Variants in ROBO2 observed in about 807,000 individuals in gnomAD.
ROBO2 encodes the protein roundabout homolog 2.
A neutral mutation model predicts 160.8 loss-of-function variants in ROBO2; 53 were observed. That is an observed-to-expected ratio of 0.33 (90% CI 0.26 to 0.41). The LOEUF is 0.41. Among genes scored for constraint, ROBO2 ranks in the 10% least tolerant of loss-of-function variants. ROBO2 has a pLI of 1.00. For missense variants in ROBO2, 1,577 were observed against 1,722.4 expected, an observed-to-expected ratio of 0.92 and a Z score of 1.49; for synonymous variants, 664 against 611.7, an observed-to-expected ratio of 1.09 and a Z score of -1.26.
intron 2 of ROBO2, among the ~76,000 whole-genome samples, chr3:76,316,433 G>T (rs190570219): frequency 1.3e-5 from 2 of 152,300 alleles, no homozygotes; most frequent in African/African-American, 4.8e-5. Context: ...TAGGCTGTCT[G>T]CAAGAAGAAA....
chr3:77,459,855 A>G (rs1271311447), intron 2 of ROBO2, among the ~76,000 whole-genome samples: 1 of 149,316 alleles, frequency 6.7e-6, no homozygotes, highest in Non-Finnish European at 1.5e-5. Context: ...GAAGGGGTAG[A>G]TACTACGAGA....
At chr3:75,941,112 TATTTCATTTC>T (rs111270434) in intron 2 of ROBO2, among the ~76,000 whole-genome samples, 6 of 152,250 alleles carry the variant, frequency 3.9e-5, no homozygotes, top group East Asian at 1.9e-4. Context: ...ATTTTATTTT[TATTTCATTTC>T]ATTTCATTTC....
At chr3:76,199,750 A>G (rs1247030810) in intron 2 of ROBO2, among the ~76,000 whole-genome samples, 3 of 152,186 alleles carry the variant, frequency 2.0e-5, no homozygotes, top group East Asian at 1.9e-4. Context: ...AGGACCAACC[A>G]GAGAAAGCCA....
chr3:77,459,351 T>C (rs1560894365), intron 2 of ROBO2, among the ~76,000 whole-genome samples: 1 of 152,194 alleles, frequency 6.6e-6, no homozygotes, highest in Non-Finnish European at 1.5e-5. Context: ...AAGTTGCATA[T>C]GTAATAATTA....
At chr3:76,603,345 AAAAAAAATATATATATATATAT>A (rs2087349521) in intron 2 of ROBO2, among the ~76,000 whole-genome samples, 1 of 62,388 alleles carries the variant, frequency 1.6e-5, no homozygotes, top group Middle Eastern at 8.6e-3. Flanking sequence ...AAAAAAAAAA[AAAAAAAATATATATATATATAT>A]ATATATATAT....
intron 2 of ROBO2, among the ~76,000 whole-genome samples, chr3:76,785,513 G>A (rs921232833): frequency 4.0e-5 from 6 of 151,170 alleles, no homozygotes; most frequent in Admixed American, 2.6e-4. Context: ...TATATGTTTG[G>A]TGATTTTGTT....
intron 2 of ROBO2, among the ~76,000 whole-genome samples, chr3:76,464,833 C>T (rs2078279359): frequency 6.6e-6 from 1 of 152,030 alleles, no homozygotes; most frequent in Non-Finnish European, 1.5e-5. Context: ...ATCCTTTAGG[C>T]CTTTTGAAAT....
chr3:77,140,250 A>T (rs1337397254), intron 2 of ROBO2, among the ~76,000 whole-genome samples: 1 of 152,170 alleles, frequency 6.6e-6, no homozygotes, highest in East Asian at 1.9e-4. Context: ...TTAGATTAAG[A>T]TGAAATGTTT....
At chr3:76,404,787 T>C (rs1169605086) in intron 2 of ROBO2, among the ~76,000 whole-genome samples, 4 of 151,632 alleles carry the variant, frequency 2.6e-5, no homozygotes, top group Non-Finnish European at 5.9e-5. Context: ...AGTGCTAAGC[T>C]TTCTAATATA....
At chr3:77,550,474 T>A (rs1345686695) in intron 7 of ROBO2, among the ~76,000 whole-genome samples, 3 of 152,030 alleles carry the variant, frequency 2.0e-5, no homozygotes. Flanking sequence ...TTGAGTCAGA[T>A]AAGAATTGTT....
chr3:76,015,990 G>T (rs2066394710), intron 2 of ROBO2, among the ~76,000 whole-genome samples: 1 of 152,176 alleles, frequency 6.6e-6, no homozygotes, highest in African/African-American at 2.4e-5. Flanking sequence ...GAAAAAATGA[G>T]AGAACTTTTT....
chr3:76,625,322 C>T (rs1055877748), intron 2 of ROBO2, among the ~76,000 whole-genome samples: 1 of 151,932 alleles, frequency 6.6e-6, no homozygotes, highest in Non-Finnish European at 1.5e-5. Flanking sequence ...TATTGTAAAA[C>T]ATATAACTAA....
intron 2 of ROBO2, among the ~76,000 whole-genome samples, chr3:76,691,545 A>C (rs1236135725): frequency 6.6e-6 from 1 of 152,192 alleles, no homozygotes; most frequent in Non-Finnish European, 1.5e-5. Flanking sequence ...TTGGGAATGG[A>C]AGTATGATAG....
chr3:77,438,564 A>T (rs1045688041), intron 2 of ROBO2, among the ~76,000 whole-genome samples: 1 of 143,086 alleles, frequency 7.0e-6, no homozygotes, highest in East Asian at 2.0e-4. Flanking sequence ...ACACACACAC[A>T]CACGCATATA....
At chr3:76,070,804 G>A (rs2068430125) in intron 2 of ROBO2, among the ~76,000 whole-genome samples, 1 of 152,014 alleles carries the variant, frequency 6.6e-6, no homozygotes, top group Admixed American at 6.6e-5. Flanking sequence ...AAGCCGGCCG[G>A]CACTTAGGGA....
intron 1 of ROBO2, among the ~76,000 whole-genome samples, chr3:75,907,914 T>C (rs1310259707): frequency 6.6e-6 from 1 of 151,824 alleles, no homozygotes; most frequent in Non-Finnish European, 1.5e-5. Context: ...GGAGGTATTA[T>C]GACTTTATTT....
chr3:76,335,725 C>T (rs2073843200), intron 2 of ROBO2, among the ~76,000 whole-genome samples: 3 of 151,542 alleles, frequency 2.0e-5, no homozygotes, highest in Admixed American at 1.3e-4. Flanking sequence ...CTACAGGCGC[C>T]GCCACCACGC....
At chr3:77,331,060 C>T (rs2119743) in intron 2 of ROBO2, among the ~76,000 whole-genome samples, 29,453 of 151,930 alleles carry the variant, frequency 0.19, 2,897 homozygotes, top group African/African-American at 0.23. Context: ...GTTGAATTTG[C>T]GAAGAAAAGA....
At chr3:76,739,573 A>G (rs1277135309) in intron 2 of ROBO2, among the ~76,000 whole-genome samples, 1 of 152,020 alleles carries the variant, frequency 6.6e-6, no homozygotes, top group African/African-American at 2.4e-5. Context: ...ACATGTATAC[A>G]TATGTAACTG....
Sources: gnomAD v4.1 joint callset for allele counts (sites outside exome capture counted in the v4.1 genomes callset) on GRCh38, gnomAD v4.1.1 for gene constraint, MANE v1.5 for transcripts, NCBI Gene and HGNC (gene_info 2026-07-23, HGNC 2026-07-21) for gene names.